Variants in CDC14A observed in about 807,000 individuals in gnomAD.
CDC14A encodes the protein cell division cycle 14A, also known as dual specificity protein phosphatase CDC14A.
In CDC14A, 53 loss-of-function variants were observed where a neutral mutation model predicts 74.4. That is an observed-to-expected ratio of 0.71 (90% CI 0.57 to 0.89). The LOEUF is 0.89. Ranked by LOEUF, CDC14A falls within the 40% of genes least tolerant of loss-of-function variation. The pLI is 0.00. For synonymous variants in CDC14A, 247 were observed against 258.4 expected (o/e 0.96, Z 0.43); for missense variants, 646 against 713.7 (o/e 0.91, Z 1.08).
intron 10 of CDC14A, among the ~76,000 whole-genome samples, chr1:100,474,703 TC>T (rs1178371623): frequency 6.6e-6 from 1 of 151,506 alleles, no homozygotes; most frequent in South Asian, 2.1e-4. Context: ...TATTTTTTTT[TC>T]CCTTTGTCAG....
chr1:100,476,635 G>T, intron 10 of CDC14A, among the ~76,000 whole-genome samples: 1 of 149,616 alleles, frequency 6.7e-6, no homozygotes, highest in Non-Finnish European at 1.5e-5. Context: ...AATATATATA[G>T]GATTTTAAAT....
chr1:100,377,694 T>C, intron 3 of CDC14A, 73 bp downstream of exon 3: 1 of 1,111,264 alleles, frequency 9.0e-7, no homozygotes, highest in Non-Finnish European at 1.3e-6. Flanking sequence ...GTGGGGTTGG[T>C]GTGCACAAAA....
chr1:100,423,468 G>A (rs761082594), intron 4 of CDC14A, among the ~76,000 whole-genome samples: 1 of 152,028 alleles, frequency 6.6e-6, no homozygotes, highest in Non-Finnish European at 1.5e-5. Context: ...TATTTTTGTT[G>A]ATTATTGTCT....
At chr1:100,365,941 T>TACACACACACACACACACACACAC (rs34281009) in intron 2 of CDC14A, among the ~76,000 whole-genome samples, 1 of 142,394 alleles carries the variant, frequency 7.0e-6, no homozygotes, top group African/African-American at 2.6e-5. Flanking sequence ...AACAAAATTT[T>TACACACACACACACACACACACAC]ACACACACAC....
At chr1:100,391,989 G>T (rs1657784079) in intron 4 of CDC14A, among the ~76,000 whole-genome samples, 1 of 152,234 alleles carries the variant, frequency 6.6e-6, no homozygotes, top group South Asian at 2.1e-4. Context: ...GTGTCTAAGA[G>T]TCAGAAAACA....
chr1:100,517,549 C>T (rs915101605), intron 15 of CDC14A, among the ~76,000 whole-genome samples: 5 of 152,122 alleles, frequency 3.3e-5, no homozygotes, highest in Admixed American at 1.3e-4. Context: ...TGTCTGTTGT[C>T]CCAGGCATTC....
intron 3 of CDC14A, among the ~76,000 whole-genome samples, chr1:100,384,864 T>C (rs1656628161): frequency 6.6e-6 from 1 of 152,222 alleles, no homozygotes; most frequent in Admixed American, 6.5e-5. Context: ...CTTACTGCAC[T>C]TTGGATAGGG....
chr1:100,371,149 T>A (rs1654419171), intron 2 of CDC14A, among the ~76,000 whole-genome samples: 1 of 152,244 alleles, frequency 6.6e-6, no homozygotes, highest in Non-Finnish European at 1.5e-5. Flanking sequence ...GTACATGAAT[T>A]TTGTATCCTG....
At chr1:100,432,782 G>C (rs185867395) in intron 5 of CDC14A, among the ~76,000 whole-genome samples, 93 of 152,120 alleles carry the variant, frequency 6.1e-4, no homozygotes, top group Non-Finnish European at 1.1e-3. Flanking sequence ...TATACATGAG[G>C]CTCTCTTTTG....
chr1:100,471,523 A>T (rs1190104690), intron 10 of CDC14A, among the ~76,000 whole-genome samples: 1 of 152,152 alleles, frequency 6.6e-6, no homozygotes, highest in African/African-American at 2.4e-5. Context: ...AGAAGATATA[A>T]ATAAGTGAAA....
At chr1:100,485,922 G>T (rs541112108) in intron 11 of CDC14A, 1 of 152,274 alleles carries the variant, frequency 6.6e-6, no homozygotes, top group Non-Finnish European at 1.5e-5. Flanking sequence ...TTACCCATTC[G>T]AGTCATCTGT....
At chr1:100,347,307 C>T (rs1650505027) in intron 1 of CDC14A, among the ~76,000 whole-genome samples, 1 of 152,148 alleles carries the variant, frequency 6.6e-6, no homozygotes, top group Admixed American at 6.5e-5. Flanking sequence ...TATAAAGGAA[C>T]TATTGTGTAG....
chr1:100,395,693 G>A (rs1658372473), intron 4 of CDC14A, among the ~76,000 whole-genome samples: 2 of 152,180 alleles, frequency 1.3e-5, no homozygotes, highest in African/African-American at 4.8e-5. Flanking sequence ...TCATTACCCT[G>A]TTTCAAATCT....
At chr1:100,393,557 C>A in intron 4 of CDC14A, 1 of 743,390 alleles carries the variant, frequency 1.3e-6, no homozygotes, top group Admixed American at 1.7e-5. Flanking sequence ...TCAGGTATCT[C>A]AGGTAGTTCA....
intron 4 of CDC14A, among the ~76,000 whole-genome samples, chr1:100,398,581 A>T (rs1021010097): frequency 1.3e-5 from 2 of 152,200 alleles, no homozygotes; most frequent in Admixed American, 6.5e-5. Flanking sequence ...TTGTTTAGCT[A>T]CTATGAGCCC....
chr1:100,393,164 CA>C, intron 4 of CDC14A: 1 of 1,569,628 alleles, frequency 6.4e-7, no homozygotes, highest in South Asian at 1.1e-5. Context: ...AATTTGACTC[CA>C]TTTCTCTCAA....
At chr1:100,492,785 T>C (rs2101409017) in intron 11 of CDC14A, among the ~76,000 whole-genome samples, 1 of 152,286 alleles carries the variant, frequency 6.6e-6, no homozygotes, top group East Asian at 1.9e-4. Flanking sequence ...CTAATTCCAT[T>C]CTTTTCCTGA....
chr1:100,459,241 C>T (rs546938657), intron 8 of CDC14A, among the ~76,000 whole-genome samples: 2 of 152,130 alleles, frequency 1.3e-5, no homozygotes, highest in African/African-American at 4.8e-5. Context: ...AGAGCCTGGG[C>T]AGGTTGAAGC....
intron 5 of CDC14A, 68 bp from the exon 6 acceptor site, chr1:100,439,864 G>A (rs1322826778): frequency 5.4e-6 from 6 of 1,114,964 alleles, no homozygotes; most frequent in Non-Finnish European, 8.2e-6. Flanking sequence ...GCTGACTTTG[G>A]TGTTATATTT....
Sources: allele counts gnomAD v4.1 joint callset (sites outside exome capture counted in the v4.1 genomes callset), GRCh38; gene constraint gnomAD v4.1.1; transcripts MANE v1.5; gene names NCBI Gene and HGNC (gene_info 2026-07-23, HGNC 2026-07-21).